ATP13A1: variants seen among roughly 807,000 people sequenced by gnomAD.
The protein encoded by ATP13A1 is ATPase 13A1.
A neutral mutation model predicts 134.8 loss-of-function variants in ATP13A1; 55 were observed. The ratio of observed to expected loss-of-function variants is 0.41; its 90% CI spans 0.33 to 0.51. ATP13A1 has a LOEUF of 0.51. Ranked by LOEUF, ATP13A1 falls within the 20% of genes least tolerant of loss-of-function variation. The probability of loss-of-function intolerance (pLI) is 0.29; values close to 1 mark genes in which losing one functional copy is unlikely to be tolerated. For missense variants in ATP13A1, 1,389 were observed against 1,652.8 expected (o/e 0.84, Z 2.77); for synonymous variants, 775 against 725.1 (o/e 1.07, Z -1.10).
At chr19:19,661,027 C>T (rs1437215611) in intron 1 of ATP13A1, among the ~76,000 whole-genome samples, 1 of 151,660 alleles carries the variant, frequency 6.6e-6, no homozygotes, top group African/African-American at 2.4e-5. Flanking sequence ...TGCAGTGAGC[C>T]GAGATTGTGC....
intron 1 of ATP13A1, chr19:19,662,235 C>T (rs1240307833): frequency 6.6e-7 from 1 of 1,507,950 alleles, no homozygotes; most frequent in Non-Finnish European, 8.9e-7. Flanking sequence ...TGGTGTCTTT[C>T]ATTGTACTAC....
chr19:19,661,970 C>T, intron 1 of ATP13A1: 2 of 1,467,834 alleles, frequency 1.4e-6, no homozygotes, highest in Non-Finnish European at 1.9e-6. Context: ...CTCAAGATGG[C>T]ACCCAGTAGT....
Position 19,655,291 on chromosome 19 carries a change from A to G in ATP13A1, c.1534+25T>C. The G allele has an allele frequency of 6.2e-7, 1 of 1,613,840 alleles. No homozygotes were observed. The highest frequency in any genetic ancestry group is 8.5e-7 in the Non-Finnish European group (1 of 1,179,868). Reference sequence around the variant, plus strand: ...CCTGCTTGGCCCCAGCCCACTCGGCACCCCATCCCATTTGACACACTCACA... The same window carrying G: ...CCTGCTTGGCCCCAGCCCACTCGGCGCCCCATCCCATTTGACACACTCACA... On this transcript the variant is annotated intron_variant, in intron 11 of 25. Coordinates refer to ENST00000357324, the MANE Select transcript of ATP13A1 (RefSeq NM_020410.3). The surrounding 1 kb of genome is among the most constrained non-coding windows in gnomAD (Gnocchi z 5.7).
rs1055767638 is a variant in ATP13A1 at position 19,657,071 on chromosome 19, C to T, written c.829G>A (p.Glu277Lys). 6.5e-7 allele frequency: 1 copy of T among 1,549,820 alleles called. No individual in the cohort carries two copies. Among genetic ancestry groups the T allele is most frequent in the South Asian group, 1.3e-5 (1 of 79,750 alleles). ...ATCTGCTGCTGCACCAGCGAGGCCT[C>T]GAACGCCACCAGCATGGATAGCGTA... ...VFTLSMLVAF[E>K]ASLVQQQMRN... The change falls in exon 5 of 26, where the codon GAG (glutamate) becomes AAG (lysine). Residue 277 changes from glutamate (E) to lysine (K), a missense_variant. This residue lies in a region of ATP13A1 where 747 missense variants were observed against 956.1 expected (regional missense o/e 0.78). Coordinates refer to ENST00000357324, the MANE Select transcript of ATP13A1 (RefSeq NM_020410.3).
At chr19:19,651,537 G>A (rs2062024743) in intron 17 of ATP13A1, 152 bp downstream of exon 17, 1 of 556,600 alleles carries the variant, frequency 1.8e-6, no homozygotes, top group Non-Finnish European at 3.2e-6. Flanking sequence ...TGCTGTCCGA[G>A]GTGCCCAGTG....
At position 19,653,843 on chromosome 19, in the gene ATP13A1, C is replaced by G; in HGVS notation, c.2041G>C (p.Glu681Gln). The stretch of plus-strand genomic sequence containing the variant: ...CCCAGCGCCAGGACGCGGGCTCCTT[C>G]CCGGGAGATCTCGGTGTGGATGTGG... Reference protein sequence around the residue: ...YHHIHTEISREGARVLALGYK... With the variant: ...YHHIHTEISRQGARVLALGYK... Residue 681 changes from glutamate (E) to glutamine (Q), a missense_variant, in exon 15 of 26, where the codon GAA becomes CAA. Physicochemically the swap from Glu to Gln is conservative, Grantham distance 29. Around this residue, in one of 4 missense-constraint regions of ATP13A1, gnomAD observed 747 missense variants for 956.1 expected, o/e 0.78. Coordinates refer to ENST00000357324, the MANE Select transcript of ATP13A1 (RefSeq NM_020410.3). The surrounding 1 kb of genome is among the most constrained non-coding windows in gnomAD (Gnocchi z 4.2). 1 of 1,564,150 alleles carries G rather than the reference C, an allele frequency of 6.4e-7. No homozygotes were observed. The highest frequency in any genetic ancestry group is 8.7e-7 in the Non-Finnish European group (1 of 1,154,756).
chr19:19,654,623 A>G lies in ATP13A1; in HGVS notation c.1733T>C (p.Met578Thr). The change falls in exon 13 of 26, where the codon ATG becomes ACG. Residue 578 changes from methionine (M) to threonine (T), a missense_variant. Met to Thr is a moderately conservative substitution (Grantham distance 81). Around this residue, in one of 4 missense-constraint regions of ATP13A1, gnomAD observed 747 missense variants for 956.1 expected, o/e 0.78. Transcript: ENST00000357324. ...CACGAGGGTGCCGTCGTCCAGCTGC[A>G]TGAGCGAGTGGCACGAGGCCAGGGC... Reference protein sequence around the residue: ...HRALASCHSLMQLDDGTLVGD... With the variant: ...HRALASCHSLTQLDDGTLVGD... 6.2e-7 allele frequency: 1 copy of G among 1,613,630 alleles called. No homozygotes were observed. The highest frequency in any genetic ancestry group is 8.5e-7 in the Non-Finnish European group (1 of 1,179,852).
chr19:19,659,556 G>A (rs774979174), intron 3 of ATP13A1, 45 bp downstream of exon 3: 64 of 1,555,890 alleles, frequency 4.1e-5, no homozygotes, highest in Non-Finnish European at 5.3e-5. Context: ...CAGGAGGGGA[G>A]CAGGACAGAA....
At chr19:19,651,984 C>T (rs747408504) in intron 16 of ATP13A1, among the ~76,000 whole-genome samples, 187 bp from the exon 17 acceptor site, 3 of 151,978 alleles carry the variant, frequency 2.0e-5, no homozygotes, top group Non-Finnish European at 4.4e-5. Context: ...ACAAATGACA[C>T]GTGTATGTGC....
At position 19,659,731 on chromosome 19, in the gene ATP13A1, C is replaced by T. The variant is rs973811576; in HGVS notation, c.547G>A (p.Ala183Thr). Residue 183 changes from alanine to threonine, a missense_variant, in exon 3 of 26, where the codon GCC (alanine) becomes ACC (threonine). Physicochemically the swap from Ala to Thr is moderately conservative, Grantham distance 58. Coordinates refer to ENST00000357324, the MANE Select transcript of ATP13A1 (RefSeq NM_020410.3). The stretch of plus-strand genomic sequence containing the variant: ...GGGAGAAACTGCTTCTTCTCCAGGG[C>T]ATCGTAGGAATACTTGATCTTCTGG... The part of the protein sequence containing the change: ...EFQKIKYSYD[A>T]LEKKQFLPVA... The T allele has an allele frequency of 3.1e-6, 5 of 1,613,870 alleles. No individual in the cohort carries two copies. Among genetic ancestry groups the T allele is most frequent in the Admixed American group, 3.3e-5 (2 of 60,006 alleles).
At position 19,653,928 on chromosome 19, in the gene ATP13A1, C is replaced by G; in HGVS notation, c.1990-34G>C. On this transcript the variant is annotated intron_variant, in intron 14 of 25. Transcript: ENST00000357324. The surrounding 1 kb of genome is among the most constrained non-coding windows in gnomAD (Gnocchi z 4.2). ...AATGCAGGGGGATGTCACGGGCTGC[C>G]CCGCGCCCCCACCCCTTGCCCCAGG... 1 of 1,570,098 alleles carries G rather than the reference C, an allele frequency of 6.4e-7. No homozygotes were observed. The highest frequency in any genetic ancestry group is 8.6e-7 in the Non-Finnish European group (1 of 1,158,360).
intron 3 of ATP13A1, among the ~76,000 whole-genome samples, chr19:19,659,325 G>C (rs1186750501): frequency 6.6e-6 from 1 of 152,128 alleles, no homozygotes; most frequent in Admixed American, 6.6e-5. Context: ...GCGTGGTGGG[G>C]GGAGCCTGTA....
rs1360675742 is a variant in ATP13A1 at position 19,647,192 on chromosome 19, G to A, written c.3042C>T (p.Asp1014=). 6.2e-7 allele frequency: 1 copy of A among 1,613,944 alleles called. No homozygotes were observed. Residue 1014 remains aspartate, a synonymous_variant, in exon 22 of 26, where the codon GAC becomes GAT. Transcript: ENST00000357324. This position sits in a 1 kb window ranked among gnomAD's most constrained non-coding sequence, Gnocchi z 4.8. ...GCAGCCCCTGTAGGGTGGCCTGGAA[G>A]TCACTGAACTTGACTCCCTCCAGGT... ...VLYLEGVKFS[D]FQATLQGLLL...
intron 23 of ATP13A1, 102 bp from the exon 24 acceptor site, chr19:19,646,087 C>T (rs2061983557): frequency 6.3e-7 from 1 of 1,589,380 alleles, no homozygotes; most frequent in Non-Finnish European, 8.6e-7. Context: ...TCTGCCTGGC[C>T]TAGTGCCCCT....
In ATP13A1 at chr19:19,663,656, G is replaced by A. The variant is rs1234139925; in HGVS notation, c.11C>T (p.Ala4Val). 3.1e-6 allele frequency: 4 copies of A among 1,286,614 alleles called. No homozygotes were observed. The highest frequency in any genetic ancestry group is 3.9e-6 in the Non-Finnish European group (4 of 1,019,310). 79.7% of individuals were successfully genotyped at this position (1,286,614 alleles called of 1,614,324 possible). MAA[A>V]AAVGNAVPCG... is the part of the protein sequence containing the mutation. ...GGGCACCGCGTTGCCCACCGCCGCC[G>A]CTGCCGCCATCTTTCCTAGCGCCGC... Residue 4 changes from alanine (A) to valine (V), a missense_variant, in exon 1 of 26, where the codon GCG becomes GTG. Transcript: ENST00000357324.
In ATP13A1 at chr19:19,655,789, G is replaced by A. The variant is rs750015268; in HGVS notation, c.1269+89C>T. 192 of 1,534,310 alleles carry A rather than the reference G, an allele frequency of 1.3e-4. No homozygotes were observed. The highest frequency in any genetic ancestry group is 2.3e-4 in the Admixed American group (12 of 51,140). On this transcript the variant is annotated intron_variant, in intron 9 of 25. Coordinates refer to ENST00000357324, the MANE Select transcript of ATP13A1 (RefSeq NM_020410.3). The surrounding 1 kb of genome is among the most constrained non-coding windows in gnomAD (Gnocchi z 5.7). Reference sequence around the variant, plus strand: ...AGGGCCGTGCTGCCAGAGTCAGCCCGTGGGGCAGATGTTCTGGGGTCGGAA... The same window carrying A: ...AGGGCCGTGCTGCCAGAGTCAGCCCATGGGGCAGATGTTCTGGGGTCGGAA...
At position 19,656,936 on chromosome 19, in the gene ATP13A1, C is replaced by T. The variant is rs765741872; in HGVS notation, c.907-20G>A. 7 of 1,606,612 alleles carry T rather than the reference C, an allele frequency of 4.4e-6. No individual in the cohort carries two copies. Among genetic ancestry groups the T allele is most frequent in the Non-Finnish European group, 4.2e-6 (5 of 1,177,092 alleles). On this transcript the variant is annotated intron_variant, in intron 5 of 25. Transcript: ENST00000357324. The surrounding 1 kb of genome is among the most constrained non-coding windows in gnomAD (Gnocchi z 4.6). ...GTAGACCTGGGCGGGGCATGGGTGT[C>T]AGCACAGAAGCCGCACCTGTGCTGC...
At chr19:19,646,544 C>T in intron 22 of ATP13A1, 197 bp from the exon 23 acceptor site, 1 of 656,998 alleles carries the variant, frequency 1.5e-6, no homozygotes, top group Non-Finnish European at 2.6e-6. Flanking sequence ...GGCTGCCTCC[C>T]TGGCCCCGGC....
chr19:19,649,724 T>A lies in ATP13A1; in HGVS notation c.2535+17A>T. ...TGCCTACCGCTGTGCCCCTGACCCCTAGGGCTGTGCACATACCTTCTGCTT... is the reference window on the plus strand; with the variant it reads ...TGCCTACCGCTGTGCCCCTGACCCCAAGGGCTGTGCACATACCTTCTGCTT... On this transcript the variant is annotated intron_variant, in intron 18 of 25. Transcript: ENST00000357324. 6.2e-7 allele frequency: 1 copy of A among 1,611,742 alleles called. No individual in the cohort carries two copies. The highest frequency in any genetic ancestry group is 8.5e-7 in the Non-Finnish European group (1 of 1,178,834).
Sources: gnomAD v4.1 joint callset for allele counts (sites outside exome capture counted in the v4.1 genomes callset) on GRCh38, gnomAD v4.1.1 for gene constraint, gnomAD v4.1.1 regional missense constraint, Gnocchi (gnomAD v3.1) non-coding constraint, MANE v1.5 for transcripts, NCBI Gene and HGNC (gene_info 2026-07-23, HGNC 2026-07-21) for gene names.